Variants in LRRTM4 observed in about 807,000 individuals in gnomAD.
LRRTM4 encodes the protein leucine-rich repeat transmembrane neuronal protein 4.
A neutral mutation model predicts 47.6 loss-of-function variants in LRRTM4; 25 were observed. The observed-to-expected ratio is 0.53, with a 90% CI of 0.38 to 0.73. The LOEUF is 0.73. Among genes scored for constraint, LRRTM4 ranks in the 30% least tolerant of loss-of-function variants. The pLI, the probability that LRRTM4 is intolerant of heterozygous loss-of-function variation, is 0.00. For synonymous variants in LRRTM4, 311 were observed against 269.5 expected (o/e 1.15, Z -1.51); for missense variants, 638 against 713.4 (o/e 0.89, Z 1.20).
intron 3 of LRRTM4, among the ~76,000 whole-genome samples, chr2:77,183,178 C>T (rs977403795): frequency 3.3e-5 from 5 of 152,082 alleles, no homozygotes; most frequent in Admixed American, 6.6e-5. Context: ...TTTTTGCAAT[C>T]TACTCATCTG....
intron 3 of LRRTM4, among the ~76,000 whole-genome samples, chr2:76,783,285 A>G (rs1039156812): frequency 2.6e-5 from 4 of 152,222 alleles, no homozygotes; most frequent in East Asian, 1.9e-4. Flanking sequence ...CTTTCCATAC[A>G]TGAAAACAAT....
intron 3 of LRRTM4, among the ~76,000 whole-genome samples, chr2:77,507,879 G>A (rs961672260): frequency 4.6e-5 from 7 of 152,168 alleles, no homozygotes; most frequent in African/African-American, 1.4e-4. Context: ...CGACAGCAAA[G>A]TCAAAGCAGT....
chr2:76,859,992 CT>C (rs1358717007), intron 3 of LRRTM4, among the ~76,000 whole-genome samples: 13 of 152,104 alleles, frequency 8.5e-5, no homozygotes, highest in African/African-American at 2.7e-4. Flanking sequence ...AGTACCATTT[CT>C]TTTCATTATG....
chr2:76,838,198 T>G (rs963472460), intron 3 of LRRTM4, among the ~76,000 whole-genome samples: 44 of 151,918 alleles, frequency 2.9e-4, no homozygotes, highest in Non-Finnish European at 4.4e-5. Context: ...GTCAAGAAAT[T>G]AATATAAAAG....
intron 3 of LRRTM4, among the ~76,000 whole-genome samples, chr2:77,335,184 G>C (rs1292650973): frequency 6.6e-6 from 1 of 152,072 alleles, no homozygotes; most frequent in Admixed American, 6.6e-5. Flanking sequence ...TTGAACTTCT[G>C]GTGCATTTAT....
At chr2:77,313,104 C>A (rs1440628747) in intron 3 of LRRTM4, among the ~76,000 whole-genome samples, 1 of 152,094 alleles carries the variant, frequency 6.6e-6, no homozygotes, top group African/African-American at 2.4e-5. Flanking sequence ...GCAAAAACAG[C>A]CTGCTGGGAC....
At chr2:77,457,228 C>A (rs1484996308) in intron 3 of LRRTM4, among the ~76,000 whole-genome samples, 1 of 151,596 alleles carries the variant, frequency 6.6e-6, no homozygotes, top group Non-Finnish European at 1.5e-5. Flanking sequence ...CATGTCAGTA[C>A]ACTTTATTTC....
chr2:76,836,438 G>A (rs1671515293), intron 3 of LRRTM4, among the ~76,000 whole-genome samples: 1 of 151,346 alleles, frequency 6.6e-6, no homozygotes, highest in Admixed American at 6.6e-5. Flanking sequence ...TTCCACTCCG[G>A]GCATTTTTTC....
chr2:77,230,651 G>A (rs560242725), intron 3 of LRRTM4, among the ~76,000 whole-genome samples: 3 of 151,878 alleles, frequency 2.0e-5, no homozygotes, highest in Admixed American at 6.6e-5. Context: ...CTATGTAATC[G>A]GGGGTTTTAT....
chr2:76,813,326 T>C (rs746694832), intron 3 of LRRTM4, among the ~76,000 whole-genome samples: 1 of 152,190 alleles, frequency 6.6e-6, no homozygotes, highest in Non-Finnish European at 1.5e-5. Context: ...ATCTTGCTTC[T>C]GTCAGACAAG....
chr2:77,516,032 C>T (rs947293502), intron 3 of LRRTM4, among the ~76,000 whole-genome samples: 2 of 151,706 alleles, frequency 1.3e-5, no homozygotes, highest in African/African-American at 2.4e-5. Flanking sequence ...TTTTATAGCA[C>T]CCCCCTCCTC....
chr2:77,413,473 T>C (rs1674518775), intron 3 of LRRTM4, among the ~76,000 whole-genome samples: 1 of 152,210 alleles, frequency 6.6e-6, no homozygotes, highest in African/African-American at 2.4e-5. Flanking sequence ...GAGCTTTCTT[T>C]TGATCTTCTT....
rs192771994 is a variant in LRRTM4, at chr2:77,353,226, T to C, written c.1551+165092A>G. 1.1e-4 allele frequency among the ~76,000 whole-genome samples: 16 copies of C among 152,328 alleles called. 1 individual carries two copies. The highest frequency in any genetic ancestry group is 1.0e-3 in the Admixed American group (16 of 15,304). On this transcript the variant is annotated intron_variant, in intron 3 of 3. Transcript: ENST00000409884. ...TTAATAGGTGTTAACATCTGTTGGA[T>C]AGTTCTCAAGGCTTTCTTTCCCTTT...
chr2:76,995,266 A>C (rs1049590111), intron 3 of LRRTM4, among the ~76,000 whole-genome samples: 1 of 152,084 alleles, frequency 6.6e-6, no homozygotes, highest in East Asian at 1.9e-4. Context: ...TTCAAGAGCA[A>C]TTATTGAACT....
chr2:76,758,282 A>C (rs949694600), intron 3 of LRRTM4, among the ~76,000 whole-genome samples: 23 of 152,182 alleles, frequency 1.5e-4, no homozygotes, highest in African/African-American at 5.1e-4. Flanking sequence ...CAAATGTAAA[A>C]GTGAAATGAA....
chr2:77,101,008 G>A (rs1007541490), intron 3 of LRRTM4, among the ~76,000 whole-genome samples: 9 of 151,852 alleles, frequency 5.9e-5, no homozygotes, highest in African/African-American at 1.5e-4. Context: ...GCTAAATTTT[G>A]TATTTTTTAG....
At position 77,077,144 on chromosome 2, in the gene LRRTM4, G is replaced by A. The variant is rs534992448; in HGVS notation, c.1552-328228C>T. 3.3e-5 allele frequency among the ~76,000 whole-genome samples: 5 copies of A among 152,090 alleles called. No homozygotes were observed. The South Asian group carries it at 8.3e-4, about 25-fold the overall frequency. On this transcript the variant is annotated intron_variant, in intron 3 of 3. Coordinates refer to ENST00000409884, the MANE Select transcript of LRRTM4 (RefSeq NM_001134745.3). ...CACACCATATGCAAAATTCTATAGAGGTAGAATAAAGGATAACTATATTGA... is the reference window on the plus strand; with the variant it reads ...CACACCATATGCAAAATTCTATAGAAGTAGAATAAAGGATAACTATATTGA...
chr2:77,453,306 C>G (rs1676338324), intron 3 of LRRTM4, among the ~76,000 whole-genome samples: 2 of 150,964 alleles, frequency 1.3e-5, no homozygotes. Context: ...CTCAGCCTCT[C>G]AAGCAGCTGG....
intron 3 of LRRTM4, among the ~76,000 whole-genome samples, chr2:76,779,841 A>G (rs1674259632): frequency 6.6e-6 from 1 of 152,048 alleles, no homozygotes; most frequent in African/African-American, 2.4e-5. Context: ...TAGTTGATGC[A>G]GTTTCTTCCT....
Sources: allele counts gnomAD v4.1 joint callset (sites outside exome capture counted in the v4.1 genomes callset), GRCh38; gene constraint gnomAD v4.1.1; transcripts MANE v1.5; gene names NCBI Gene and HGNC (gene_info 2026-07-23, HGNC 2026-07-21).